Variants in DERL1 observed in about 807,000 individuals in gnomAD.
The protein encoded by DERL1 is derlin-1.
DERL1 carries 24 observed loss-of-function variants against 41.6 expected under a neutral mutation model. The observed-to-expected ratio is 0.58, with a 90% CI of 0.42 to 0.81. The LOEUF (loss-of-function observed/expected upper bound fraction) is 0.81. DERL1 is among the 30% of genes least tolerant of loss of function. The pLI is 0.00. For missense variants in DERL1, 260 were observed against 314.3 expected (o/e 0.83, Z 1.31); for synonymous variants, 124 against 112.5 (o/e 1.10, Z -0.65).
chr8:123,042,219 G>A lies in DERL1; in HGVS notation c.-97C>T. 2 of 1,406,020 alleles carry A rather than the reference G, an allele frequency of 1.4e-6. No homozygotes were observed. Among genetic ancestry groups the A allele is most frequent in the South Asian group, 3.0e-5 (2 of 67,044 alleles). The allele number at this position is 1,406,020 out of a possible 1,614,324, so 87.1% of individuals were successfully genotyped here. A position where few individuals can be genotyped will look rare whatever the true frequency, so the allele number is the denominator to read the frequency against. ...GGCTCCGCGACTGTTAGGTGTCTAG[G>A]TGGAAGCCGCCGAAGCCGCGATGCA... On this transcript the variant is annotated 5_prime_UTR_variant, in exon 1 of 8. Transcript: ENST00000259512.
At chr8:123,019,642 G>A (rs1814704570) in intron 6 of DERL1, among the ~76,000 whole-genome samples, 1 of 152,190 alleles carries the variant, frequency 6.6e-6, no homozygotes, top group Non-Finnish European at 1.5e-5. Context: ...AATGCTTTCA[G>A]TCATGAATAT....
intron 6 of DERL1, among the ~76,000 whole-genome samples, chr8:123,020,616 T>C (rs920788316): frequency 1.4e-4 from 22 of 151,874 alleles, no homozygotes; most frequent in East Asian, 1.9e-4. Context: ...CTCTAATTCC[T>C]GACCAATAGA....
Position 123,042,111 on chromosome 8 carries a change from G to A in DERL1, c.12C>T (p.Ile4=), listed in dbSNP as rs1214693371. The A allele has an allele frequency of 1.6e-5, 26 of 1,609,044 alleles. No homozygotes were observed. The highest frequency in any genetic ancestry group is 1.7e-4 in the Middle Eastern group (1 of 6,040). MSD[I]GDWFRSIPAI... ...CCGGGATGCTCCTGAACCAGTCTCC[G>A]ATGTCCGACATCTTCGACCCACAGG... Residue 4 remains isoleucine, a synonymous_variant, in exon 1 of 8, where the codon ATC becomes ATT. Coordinates refer to ENST00000259512, the MANE Select transcript of DERL1 (RefSeq NM_024295.6).
intron 1 of DERL1, among the ~76,000 whole-genome samples, chr8:123,038,639 A>C (rs1451452417): frequency 1.3e-5 from 2 of 152,186 alleles, no homozygotes; most frequent in Non-Finnish European, 2.9e-5. Flanking sequence ...TACATCGTGT[A>C]GTCACTAGTG....
chr8:123,030,524 CCCTCCAA>C, intron 2 of DERL1, 74 bp downstream of exon 2: 1 of 992,060 alleles, frequency 1.0e-6, no homozygotes, highest in Non-Finnish European at 1.5e-6. Flanking sequence ...ATGCTAACTG[CCCTCCAA>C]ATTCCTCCAA....
rs577179426 is a variant in DERL1, at chr8:123,015,301, G to A, written c.*146C>T. On this transcript the variant is annotated 3_prime_UTR_variant, in exon 8 of 8. Coordinates refer to ENST00000259512, the MANE Select transcript of DERL1 (RefSeq NM_024295.6). The stretch of plus-strand genomic sequence containing the variant: ...TTGTGGAACACTTATATTTTTCTTC[G>A]GGATTTAAGAAACTTTGTCTCGTAC... The A allele has an allele frequency of 1.2e-5, 13 of 1,078,864 alleles. No homozygotes were observed. The highest frequency in any genetic ancestry group is 8.3e-5 in the Admixed American group (3 of 36,260). 66.8% of individuals were successfully genotyped at this position (1,078,864 alleles called of 1,614,324 possible). A position where few individuals can be genotyped will look rare whatever the true frequency, so the allele number is the denominator to read the frequency against.
At position 123,020,977 on chromosome 8, in the gene DERL1, A is replaced by G. The variant is rs117916139; in HGVS notation, c.506+470T>C. Reference sequence around the variant, plus strand: ...GTGAAACTTCGTCTCAAAAAAAAAAAAAAAAAAGTTCTGTATCATCAAACC... The same window carrying G: ...GTGAAACTTCGTCTCAAAAAAAAAAGAAAAAAAGTTCTGTATCATCAAACC... On this transcript the variant is annotated intron_variant, in intron 6 of 7. Coordinates refer to ENST00000259512, the MANE Select transcript of DERL1 (RefSeq NM_024295.6). Among the ~76,000 whole-genome samples, 289 of 151,998 alleles carry G rather than the reference A, an allele frequency of 1.9e-3. 4 individuals are homozygous for G. In the East Asian group the frequency reaches 0.041, roughly 22 times the overall value.
intron 7 of DERL1, chr8:123,018,841 G>A: frequency 3.7e-6 from 1 of 268,084 alleles, no homozygotes; most frequent in Non-Finnish European, 7.1e-6. Context: ...AAACTGATGG[G>A]CCAAGAAAAG....
chr8:123,019,054 C>T (rs1204762566), intron 7 of DERL1, 141 bp downstream of exon 7: 1 of 685,464 alleles, frequency 1.5e-6, no homozygotes, highest in African/African-American at 1.8e-5. Flanking sequence ...GACTGTGTGA[C>T]TAGGGTAAGT....
rs371683850 is a variant in DERL1, at chr8:123,041,963, T to C, written c.153+7A>G. The C allele has an allele frequency of 1.9e-5, 30 of 1,603,090 alleles. No individual in the cohort carries two copies. Among genetic ancestry groups the C allele is most frequent in the Middle Eastern group, 1.7e-4 (1 of 6,036 alleles). ...TAGTCTCCACGCCCCCCGTCTCCGG[T>C]AAGTACCTGAAAGCGATAAAGGAAG... On this transcript the variant is annotated splice_region_variant and intron_variant, in intron 1 of 7. Transcript: ENST00000259512.
chr8:123,039,764 G>A (rs1474886050), intron 1 of DERL1, among the ~76,000 whole-genome samples: 4 of 152,208 alleles, frequency 2.6e-5, no homozygotes, highest in South Asian at 2.1e-4. Context: ...CACACAGCAA[G>A]TGCCCAATTA....
In DERL1 at chr8:123,042,080, T is replaced by G. The variant is rs1813092373; in HGVS notation, c.43A>C (p.Thr15Pro). Residue 15 changes from threonine to proline, a missense_variant, in exon 1 of 8, where the codon ACG (threonine) becomes CCG (proline). Transcript: ENST00000259512. The stretch of plus-strand genomic sequence containing the variant: ...ACGGTGGCGGCGAACCAATAGCGCG[T>G]GATCGCCGGGATGCTCCTGAACCAG... The part of the protein sequence containing the change: ...GDWFRSIPAI[T>P]RYWFAATVAV... 1.2e-6 allele frequency: 2 copies of G among 1,613,782 alleles called. No individual in the cohort carries two copies. The highest frequency in any genetic ancestry group is 1.7e-6 in the Non-Finnish European group (2 of 1,179,870).
chr8:123,029,531 G>T (rs1222319548), intron 2 of DERL1, among the ~76,000 whole-genome samples: 2 of 152,180 alleles, frequency 1.3e-5, no homozygotes, highest in East Asian at 1.9e-4. Flanking sequence ...CTTAAGGGTA[G>T]TTCAGAGTTC....
chr8:123,021,623 C>G, intron 5 of DERL1, 124 bp from the exon 6 acceptor site: 1 of 834,288 alleles, frequency 1.2e-6, no homozygotes, highest in African/African-American at 1.7e-5. Context: ...TGGAAGGTCA[C>G]TGCAAAATTT....
At chr8:123,034,750 A>C (rs1812889377) in intron 1 of DERL1, among the ~76,000 whole-genome samples, 2 of 152,178 alleles carry the variant, frequency 1.3e-5, no homozygotes, top group African/African-American at 4.8e-5. Flanking sequence ...ACTCAGAGTA[A>C]ACCTACTAAT....
chr8:123,038,668 T>C (rs1812982990), intron 1 of DERL1, among the ~76,000 whole-genome samples: 1 of 152,168 alleles, frequency 6.6e-6, no homozygotes, highest in Non-Finnish European at 1.5e-5. Context: ...CAAGTGAGGA[T>C]TTTGCTAACA....
rs1812800949 is a variant in DERL1 at position 123,030,620 on chromosome 8, T to C, written c.250A>G (p.Thr84Ala). 6.2e-7 allele frequency: 1 copy of C among 1,602,556 alleles called. No individual in the cohort carries two copies. The highest frequency in any genetic ancestry group is 1.1e-5 in the South Asian group (1 of 88,892). Reference protein sequence around the residue: ...VNLYFLYQYSTRLETGAFDGR... With the variant: ...VNLYFLYQYSARLETGAFDGR... ...GGTAACATACCTGTTTCAAGTCGCG[T>C]AGAATACTGATATAAGAAATATAAA... The change falls in exon 2 of 8, where the codon ACG becomes GCG. Residue 84 changes from threonine (T) to alanine (A), a missense_variant. Thr to Ala is a moderately conservative substitution (Grantham distance 58). Transcript: ENST00000259512.
chr8:123,031,538 C>T (rs1298728192), intron 1 of DERL1, among the ~76,000 whole-genome samples: 5 of 151,726 alleles, frequency 3.3e-5, no homozygotes, highest in South Asian at 2.1e-4. Context: ...AGCGAAACTC[C>T]GTCTCAAAAA....
intron 6 of DERL1, among the ~76,000 whole-genome samples, chr8:123,020,084 T>C (rs2130459148): frequency 6.6e-6 from 1 of 152,304 alleles, no homozygotes; most frequent in East Asian, 1.9e-4. Context: ...CCCAGCAATA[T>C]GCAGAAGAAG....
Sources: allele counts gnomAD v4.1 joint callset (sites outside exome capture counted in the v4.1 genomes callset), GRCh38; gene constraint gnomAD v4.1.1; transcripts MANE v1.5; gene names NCBI Gene and HGNC (gene_info 2026-07-23, HGNC 2026-07-21).